Variants in SPOCK1 observed in about 807,000 individuals in gnomAD.
SPOCK1 encodes the protein SPARC (osteonectin), cwcv and kazal like domains proteoglycan 1, also known as testican-1.
A neutral mutation model predicts 55.3 loss-of-function variants in SPOCK1; 23 were observed. The observed-to-expected ratio is 0.42, with a 90% CI of 0.30 to 0.59. SPOCK1 has a LOEUF of 0.59. Ranked by LOEUF, SPOCK1 falls within the 20% of genes least tolerant of loss-of-function variation. The pLI is 0.22. For missense variants in SPOCK1, 499 were observed against 552.5 expected, an observed-to-expected ratio of 0.90 and a Z score of 0.97; for synonymous variants, 226 against 221.0, an observed-to-expected ratio of 1.02 and a Z score of -0.20.
intron 3 of SPOCK1, among the ~76,000 whole-genome samples, chr5:137,185,724 T>A (rs1755056217): frequency 6.6e-6 from 1 of 151,758 alleles, no homozygotes; most frequent in South Asian, 2.1e-4. Flanking sequence ...GAGGAGGCTG[T>A]CTCACCAAGG....
intron 2 of SPOCK1, among the ~76,000 whole-genome samples, chr5:137,299,523 C>T (rs1757546808): frequency 1.3e-5 from 2 of 151,730 alleles, no homozygotes; most frequent in Non-Finnish European, 2.9e-5. Flanking sequence ...TTCATGTTGC[C>T]ATCTGGTACA....
chr5:137,042,029 A>G (rs936872322), intron 6 of SPOCK1, among the ~76,000 whole-genome samples: 1 of 152,234 alleles, frequency 6.6e-6, no homozygotes, highest in Non-Finnish European at 1.5e-5. Flanking sequence ...ATTCATAAAC[A>G]CCAAAACTGG....
chr5:137,066,910 C>A (rs1198052306), intron 6 of SPOCK1, among the ~76,000 whole-genome samples: 2 of 151,590 alleles, frequency 1.3e-5, no homozygotes, highest in South Asian at 4.2e-4. Flanking sequence ...AACGCTCATA[C>A]CCCATTCATT....
In SPOCK1 at chr5:136,979,406, G is replaced by A. The variant is rs538805858; in HGVS notation, c.1055C>T (p.Thr352Met). 53 of 1,613,934 alleles carry A rather than the reference G, an allele frequency of 3.3e-5. No individual in the cohort carries two copies. Among genetic ancestry groups the A allele is most frequent in the East Asian group, 6.7e-5 (3 of 44,870 alleles). Residue 352 changes from threonine (T) to methionine (M), a missense_variant, in exon 10 of 11, where the codon ACG becomes ATG. Transcript: ENST00000394945. Reference sequence around the variant, plus strand: ...TTTGTCCACACACCAGCACTGCCCCGTGCTGCCGTGGCACTGTGTGGCTTT... The same window carrying A: ...TTTGTCCACACACCAGCACTGCCCCATGCTGCCGTGGCACTGTGTGGCTTT... Reference protein sequence around the residue: ...YYKATQCHGSTGQCWCVDKYG... With the variant: ...YYKATQCHGSMGQCWCVDKYG...
At chr5:137,361,720 C>T (rs948273442) in intron 2 of SPOCK1, among the ~76,000 whole-genome samples, 7 of 151,866 alleles carry the variant, frequency 4.6e-5, no homozygotes, top group South Asian at 2.1e-4. Context: ...CCACAAATTG[C>T]GTATATTACA....
intron 2 of SPOCK1, chr5:137,273,356 T>A: frequency 1.0e-6 from 1 of 984,512 alleles, no homozygotes; most frequent in South Asian, 4.7e-5. Flanking sequence ...CTACATACAG[T>A]TGAAAAATCA....
intron 7 of SPOCK1, among the ~76,000 whole-genome samples, chr5:136,989,053 T>C (rs771374852): frequency 3.3e-5 from 5 of 152,204 alleles, no homozygotes; most frequent in Admixed American, 6.5e-5. Context: ...AAAATATTTT[T>C]AAAAGGATAG....
intron 2 of SPOCK1, chr5:137,273,376 C>T: frequency 1.0e-6 from 1 of 985,050 alleles, no homozygotes; most frequent in Non-Finnish European, 1.2e-6. Flanking sequence ...AAAAACCTAC[C>T]TCAACTTCCT....
Position 137,289,116 on chromosome 5 carries a change from G to C in SPOCK1, c.187-22061C>G, listed in dbSNP as rs370147491. On this transcript the variant is annotated intron_variant, in intron 2 of 10. Coordinates refer to ENST00000394945, the MANE Select transcript of SPOCK1 (RefSeq NM_004598.4). ...ACCTCACTTATCCAATCTATGAAATGAGGTTATTAATGAAGCAAGCTTCAT... is the reference window on the plus strand; with the variant it reads ...ACCTCACTTATCCAATCTATGAAATCAGGTTATTAATGAAGCAAGCTTCAT... Among the ~76,000 whole-genome samples, 7 of 152,322 alleles carry C rather than the reference G, an allele frequency of 4.6e-5. No homozygotes were observed. In the South Asian group the frequency reaches 1.4e-3, roughly 32 times the overall value.
intron 2 of SPOCK1, among the ~76,000 whole-genome samples, chr5:137,426,958 G>T (rs1580921117): frequency 6.6e-6 from 1 of 152,198 alleles, no homozygotes; most frequent in African/African-American, 2.4e-5. Flanking sequence ...TAGATGCACT[G>T]CTGGGAAGCA....
intron 8 of SPOCK1, 77 bp downstream of exon 8, chr5:136,988,345 C>T: frequency 8.6e-7 from 1 of 1,158,946 alleles, no homozygotes; most frequent in Admixed American, 1.9e-5. Context: ...CTGCCCAATT[C>T]ATAGTCATAC....
At chr5:137,351,114 T>C (rs969018195) in intron 2 of SPOCK1, among the ~76,000 whole-genome samples, 5 of 152,116 alleles carry the variant, frequency 3.3e-5, no homozygotes, top group Non-Finnish European at 2.9e-5. Flanking sequence ...CATAAGCACT[T>C]GAGATAGCCC....
At chr5:137,195,828 G>T (rs1226123537) in intron 3 of SPOCK1, among the ~76,000 whole-genome samples, 1 of 152,162 alleles carries the variant, frequency 6.6e-6, no homozygotes, top group East Asian at 1.9e-4. Context: ...GCTGGAATAG[G>T]CTGGGCCAAG....
chr5:137,057,053 A>G (rs77766489), intron 6 of SPOCK1, among the ~76,000 whole-genome samples: 3 of 151,970 alleles, frequency 2.0e-5, no homozygotes, highest in African/African-American at 7.3e-5. Flanking sequence ...TACTAATATC[A>G]CTGTTCCTCA....
At chr5:137,259,584 C>T (rs1756706191) in intron 3 of SPOCK1, among the ~76,000 whole-genome samples, 1 of 151,336 alleles carries the variant, frequency 6.6e-6, no homozygotes, top group African/African-American at 2.4e-5. Flanking sequence ...CACATGTATA[C>T]CTATGTAACA....
intron 5 of SPOCK1, among the ~76,000 whole-genome samples, chr5:137,089,381 TAGC>T (rs551691731): frequency 1.6e-3 from 237 of 152,292 alleles, no homozygotes; most frequent in South Asian, 3.1e-3. Flanking sequence ...ATATGGAATA[TAGC>T]AGCTGTCATG....
chr5:137,304,672 T>C (rs2961633), intron 2 of SPOCK1, among the ~76,000 whole-genome samples: 89,005 of 151,904 alleles, frequency 0.59, 26,449 homozygotes, highest in Admixed American at 0.66. Context: ...GTCTTTTCAA[T>C]TGAGGAGCAA....
chr5:137,155,701 G>A (rs557289532), intron 3 of SPOCK1, among the ~76,000 whole-genome samples: 1 of 152,360 alleles, frequency 6.6e-6, no homozygotes, highest in East Asian at 1.9e-4. Context: ...GTGTCTCTGT[G>A]TAATTCAAAC....
chr5:137,488,331 C>G (rs11242382), intron 2 of SPOCK1, among the ~76,000 whole-genome samples: 2,205 of 152,128 alleles, frequency 0.014, 26 homozygotes, highest in East Asian at 0.021. Flanking sequence ...GAGCTGAGAT[C>G]GCGCCACTGC....
Sources: gnomAD v4.1 joint callset for allele counts (sites outside exome capture counted in the v4.1 genomes callset) on GRCh38, gnomAD v4.1.1 for gene constraint, MANE v1.5 for transcripts, NCBI Gene and HGNC (gene_info 2026-07-23, HGNC 2026-07-21) for gene names.